Variants in AK9 observed in about 807,000 individuals in gnomAD.
AK9 encodes adenylate kinase domain containing 1.
In AK9, 191 loss-of-function variants were observed where a neutral mutation model predicts 239.6. That is an observed-to-expected ratio of 0.80 (90% CI 0.71 to 0.90). The LOEUF (loss-of-function observed/expected upper bound fraction) is 0.90, where lower values mean the gene tolerates loss of function less well. Among genes scored for constraint, AK9 ranks in the 40% least tolerant of loss-of-function variants. AK9 has a pLI of 0.00. For missense variants in AK9, 1,995 were observed against 2,214.7 expected (o/e 0.90, Z 1.99); for synonymous variants, 689 against 721.0 (o/e 0.96, Z 0.71).
Position 109,564,857 on chromosome 6 carries a change from A to G in AK9, c.2345-12T>C. On this transcript the variant is annotated splice_polypyrimidine_tract_variant and intron_variant, in intron 21 of 40. Transcript: ENST00000424296. ...GATAGGCTCAGATACTTAAGAAAGA[A>G]ATCGAATAGTTAGTGTTTAAATTTG... The G allele has an allele frequency of 6.6e-7, 1 of 1,509,896 alleles. No individual in the cohort carries two copies. Among genetic ancestry groups the G allele is most frequent in the Non-Finnish European group, 8.9e-7 (1 of 1,121,718 alleles). 93.5% of individuals were successfully genotyped at this position (1,509,896 alleles called of 1,614,324 possible). A position where few individuals can be genotyped will look rare whatever the true frequency, so the allele number is the denominator to read the frequency against.
intron 17 of AK9, among the ~76,000 whole-genome samples, chr6:109,609,819 C>T (rs190935333): frequency 2.0e-4 from 30 of 152,274 alleles, no homozygotes; most frequent in African/African-American, 7.2e-4. Flanking sequence ...ACAAAACAGA[C>T]CCATATGAAT....
intron 35 of AK9, among the ~76,000 whole-genome samples, 155 bp downstream of exon 35, chr6:109,506,172 A>G (rs935391459): frequency 1.3e-5 from 2 of 152,188 alleles, no homozygotes; most frequent in African/African-American, 4.8e-5. Context: ...ATAATTGGAT[A>G]ATACTATTAT....
chr6:109,505,450 T>G (rs563687830), intron 35 of AK9, among the ~76,000 whole-genome samples: 1 of 152,228 alleles, frequency 6.6e-6, no homozygotes, highest in Non-Finnish European at 1.5e-5. Context: ...AACAAGAATA[T>G]ATAATCAAAC....
chr6:109,626,438 T>C (rs1354206093), intron 12 of AK9, among the ~76,000 whole-genome samples: 1 of 152,224 alleles, frequency 6.6e-6, no homozygotes, highest in African/African-American at 2.4e-5. Context: ...GTTATCTTCC[T>C]CTGAAGACTG....
chr6:109,672,024 A>C lies in AK9; in HGVS notation c.235-9T>G. ...ATCAACATTGATTGCAACTAAGGAC[A>C]AGCATAGATATTGTACATTACTGTA... On this transcript the variant is annotated splice_polypyrimidine_tract_variant and intron_variant, in intron 4 of 40. Coordinates refer to ENST00000424296, the MANE Select transcript of AK9 (RefSeq NM_001145128.3). 6.2e-7 allele frequency: 1 copy of C among 1,613,530 alleles called. No homozygotes were observed. The highest frequency in any genetic ancestry group is 8.5e-7 in the Non-Finnish European group (1 of 1,179,536).
intron 3 of AK9, among the ~76,000 whole-genome samples, chr6:109,673,564 T>C (rs1309879859): frequency 4.6e-5 from 7 of 152,130 alleles, no homozygotes; most frequent in Admixed American, 2.6e-4. Flanking sequence ...TTCTCTTATA[T>C]ATTGCAAAGA....
intron 12 of AK9, among the ~76,000 whole-genome samples, chr6:109,623,360 T>C (rs6922784): frequency 0.55 from 84,121 of 151,922 alleles, 24,874 homozygotes; most frequent in South Asian, 0.78. Flanking sequence ...GACTAAGTCA[T>C]GAAAAACATT....
At chr6:109,547,512 A>T (rs1373909974) in intron 25 of AK9, among the ~76,000 whole-genome samples, 1 of 152,180 alleles carries the variant, frequency 6.6e-6, no homozygotes, top group East Asian at 1.9e-4. Flanking sequence ...ATGAAACTAG[A>T]TCCTCATCTT....
chr6:109,593,200 T>C (rs1364441365), intron 17 of AK9, among the ~76,000 whole-genome samples: 1 of 152,044 alleles, frequency 6.6e-6, no homozygotes, highest in African/African-American at 2.4e-5. Flanking sequence ...TTTTTCTTTC[T>C]AGAATTTAGA....
intron 8 of AK9, among the ~76,000 whole-genome samples, chr6:109,645,622 G>C (rs1451339584): frequency 6.6e-6 from 1 of 152,142 alleles, no homozygotes; most frequent in African/African-American, 2.4e-5. Flanking sequence ...CTCCACCTCT[G>C]GGGGCAGGGC....
intron 35 of AK9, among the ~76,000 whole-genome samples, chr6:109,505,949 T>C (rs116752114): frequency 4.7e-4 from 71 of 152,260 alleles, no homozygotes; most frequent in Middle Eastern, 6.8e-3. Flanking sequence ...CTGTTCCTCA[T>C]AGATGGTGCT....
At chr6:109,653,672 ATTT>A (rs71721169) in intron 8 of AK9, among the ~76,000 whole-genome samples, 2 of 85,070 alleles carry the variant, frequency 2.4e-5, no homozygotes, top group Admixed American at 1.5e-4. Flanking sequence ...TCTTGTTTAG[ATTT>A]TTTTTTTTTT....
At chr6:109,671,823 A>C in intron 5 of AK9, 96 bp downstream of exon 5, 4 of 1,071,346 alleles carry the variant, frequency 3.7e-6, no homozygotes, top group Non-Finnish European at 4.1e-6. Flanking sequence ...ATGCTAAGGC[A>C]AAAGAAAGGG....
At chr6:109,622,189 TAA>T (rs1794945714) in intron 12 of AK9, among the ~76,000 whole-genome samples, 1 of 145,656 alleles carries the variant, frequency 6.9e-6, no homozygotes, top group African/African-American at 2.5e-5. Flanking sequence ...ACATTATATA[TAA>T]TATACATATT....
intron 5 of AK9, among the ~76,000 whole-genome samples, chr6:109,664,885 C>A (rs1583490419): frequency 6.6e-6 from 1 of 151,496 alleles, no homozygotes; most frequent in Non-Finnish European, 1.5e-5. Flanking sequence ...AAAAAAAATA[C>A]AAAAATTAGC....
At chr6:109,637,825 CT>C (rs1192688074) in intron 10 of AK9, among the ~76,000 whole-genome samples, 1 of 152,172 alleles carries the variant, frequency 6.6e-6, no homozygotes, top group Non-Finnish European at 1.5e-5. Flanking sequence ...ATTGACCAGG[CT>C]CCTTTGGTGT....
chr6:109,684,811 T>C (rs1773235221), intron 1 of AK9, among the ~76,000 whole-genome samples: 1 of 120,238 alleles, frequency 8.3e-6, no homozygotes, highest in African/African-American at 3.4e-5. Context: ...GAGGCAGAGC[T>C]TGCAGTGAGC....
At position 109,674,201 on chromosome 6, in the gene AK9, C is replaced by G. The variant is rs779171442; in HGVS notation, c.178G>C (p.Glu60Gln). The G allele has an allele frequency of 3.2e-5, 50 of 1,572,972 alleles. No individual in the cohort carries two copies. Among genetic ancestry groups the G allele is most frequent in the Non-Finnish European group, 4.1e-5 (48 of 1,163,778 alleles). ...AGAGAAAAAAGATAAAATTTACCTTCAACACGAATACATTTCCATGCCTGT... is the reference window on the plus strand; with the variant it reads ...AGAGAAAAAAGATAAAATTTACCTTGAACACGAATACATTTCCATGCCTGT... ...ITQAWKCIRV[E>Q]ALPILEEQIA... Residue 60 changes from glutamate to glutamine, a missense_variant, in exon 3 of 41, where the codon GAA becomes CAA. Coordinates refer to ENST00000424296, the MANE Select transcript of AK9 (RefSeq NM_001145128.3).
chr6:109,594,003 A>T (rs1241693363), intron 17 of AK9, among the ~76,000 whole-genome samples: 1 of 152,234 alleles, frequency 6.6e-6, no homozygotes. Flanking sequence ...TAGTATTAGA[A>T]GTTCTGGCCA....
Sources: allele counts gnomAD v4.1 joint callset (sites outside exome capture counted in the v4.1 genomes callset), GRCh38; gene constraint gnomAD v4.1.1; transcripts MANE v1.5; gene names NCBI Gene and HGNC (gene_info 2026-07-23, HGNC 2026-07-21).